GALNT18: variants seen among roughly 807,000 people sequenced by gnomAD.
The protein encoded by GALNT18 is GalNAc-transferase 18.
Under a neutral mutation model 69.5 loss-of-function variants are expected in GALNT18, and 44 were observed. The ratio of observed to expected loss-of-function variants is 0.63; its 90% CI spans 0.50 to 0.81. The LOEUF (loss-of-function observed/expected upper bound fraction) is 0.81, where lower values mean the gene tolerates loss of function less well. GALNT18 is among the 40% of genes least tolerant of loss of function. GALNT18 has a pLI of 0.00. For synonymous variants in GALNT18, 364 were observed against 318.2 expected, an observed-to-expected ratio of 1.14 and a Z score of -1.53; for missense variants, 715 against 810.0, an observed-to-expected ratio of 0.88 and a Z score of 1.42.
chr11:11,342,663 T>C (rs58331904), intron 6 of GALNT18, among the ~76,000 whole-genome samples: 12,239 of 152,252 alleles, frequency 0.08, 1,434 homozygotes, highest in African/African-American at 0.26. Flanking sequence ...AACATCCTCA[T>C]TGAGCGTCTC....
rs573990611 is a variant in GALNT18 at position 11,580,027 on chromosome 11, G to A, written c.235+41332C>T. On this transcript the variant is annotated intron_variant, in intron 1 of 10. Transcript: ENST00000227756. ...AAGGCCAGGTGGAGGGAGTCTGGACGGTGGAAAGTTCTGTATTATTCAACT... is the reference window on the plus strand; with the variant it reads ...AAGGCCAGGTGGAGGGAGTCTGGACAGTGGAAAGTTCTGTATTATTCAACT... 6.6e-5 allele frequency among the ~76,000 whole-genome samples: 10 copies of A among 152,284 alleles called. No homozygotes were observed. The East Asian group carries it at 1.5e-3, about 24-fold the overall frequency.
intron 6 of GALNT18, chr11:11,353,489 A>C: frequency 5.8e-6 from 2 of 346,322 alleles, no homozygotes; most frequent in South Asian, 5.6e-5. Flanking sequence ...GCTGCTATTC[A>C]AAGCACATCT....
In GALNT18 at chr11:11,583,759, A is replaced by C. The variant is rs1859149625; in HGVS notation, c.235+37600T>G. ...TTCAGCTCCTTTCAGAAAAGCAAAA[A>C]TCAAACCAGACTTATAGCACTATCG... is the stretch of plus-strand genomic sequence containing the variant. On this transcript the variant is annotated intron_variant, in intron 1 of 10. Coordinates refer to ENST00000227756, the MANE Select transcript of GALNT18 (RefSeq NM_198516.3). The surrounding 1 kb of genome is among the most constrained non-coding windows in gnomAD (Gnocchi z 4.7). Among the ~76,000 whole-genome samples, 2 of 152,186 alleles carry C rather than the reference A, an allele frequency of 1.3e-5. 1 individual carries two copies. The highest frequency in any genetic ancestry group is 2.9e-5 in the Non-Finnish European group (2 of 68,024).
intron 1 of GALNT18, among the ~76,000 whole-genome samples, chr11:11,572,129 G>A (rs1858806456): frequency 6.6e-6 from 1 of 152,256 alleles, no homozygotes; most frequent in South Asian, 2.1e-4. Flanking sequence ...GTGCCGCAGG[G>A]CGTGGGCATC....
At chr11:11,325,236 TAAGTG>T (rs1283323885) in intron 9 of GALNT18, among the ~76,000 whole-genome samples, 2 of 152,256 alleles carry the variant, frequency 1.3e-5, no homozygotes, top group African/African-American at 2.4e-5. Context: ...GCCATTATTC[TAAGTG>T]AAGTAATCCA....
At position 11,349,791 on chromosome 11, in the gene GALNT18, T is replaced by C. The variant is rs149909691; in HGVS notation, c.1093-8787A>G. 4.5e-3 allele frequency among the ~76,000 whole-genome samples: 681 copies of C among 152,368 alleles called. 3 individuals are homozygous for C. The highest frequency in any genetic ancestry group is 0.016 in the African/African-American group (660 of 41,580). ...ATTTAGTTATTTTAATGTATTTTAGTGTAAGAGAACATTTAAAAAATCTGA... is the reference window on the plus strand; with the variant it reads ...ATTTAGTTATTTTAATGTATTTTAGCGTAAGAGAACATTTAAAAAATCTGA... On this transcript the variant is annotated intron_variant, in intron 6 of 10. Coordinates refer to ENST00000227756, the MANE Select transcript of GALNT18 (RefSeq NM_198516.3).
rs1850531479 is a variant in GALNT18, at chr11:11,356,464, G to A, written c.1093-15460C>T. Reference sequence around the variant, plus strand: ...ACTCTGGGGAGCTTTAACATACATTGTGAGCTTCCAGGTTTCTTTGGCTTT... The same window carrying A: ...ACTCTGGGGAGCTTTAACATACATTATGAGCTTCCAGGTTTCTTTGGCTTT... On this transcript the variant is annotated intron_variant, in intron 6 of 10. Coordinates refer to ENST00000227756, the MANE Select transcript of GALNT18 (RefSeq NM_198516.3). This position sits in a 1 kb window ranked among gnomAD's most constrained non-coding sequence, Gnocchi z 4.4. 6.6e-6 allele frequency among the ~76,000 whole-genome samples: 1 copy of A among 152,226 alleles called. No individual in the cohort carries two copies.
In GALNT18 at chr11:11,507,519, T is replaced by C. The variant is rs78670276; in HGVS notation, c.236-58583A>G. ...TCCTTTTCCTTCTCCCCTTCCTCTT[T>C]CTTTTCTTCTTCCCCTTCCCTAACT... is the stretch of plus-strand genomic sequence containing the variant. On this transcript the variant is annotated intron_variant, in intron 1 of 10. Coordinates refer to ENST00000227756, the MANE Select transcript of GALNT18 (RefSeq NM_198516.3). Among the ~76,000 whole-genome samples, 297 of 152,314 alleles carry C rather than the reference T, an allele frequency of 1.9e-3. 2 individuals are homozygous for C. The highest frequency in any genetic ancestry group is 4.5e-3 in the Admixed American group (69 of 15,306).
chr11:11,486,051 A>G (rs1856637914), intron 1 of GALNT18, among the ~76,000 whole-genome samples: 1 of 152,194 alleles, frequency 6.6e-6, no homozygotes, highest in Non-Finnish European at 1.5e-5. Context: ...CAGGAGGCAG[A>G]GGCCACCTTG....
intron 7 of GALNT18, among the ~76,000 whole-genome samples, chr11:11,334,318 G>A (rs1242890207): frequency 1.2e-4 from 19 of 152,148 alleles, no homozygotes; most frequent in Non-Finnish European, 2.1e-4. Flanking sequence ...CAAGTCAGGC[G>A]GATCACAAGG....
intron 10 of GALNT18, among the ~76,000 whole-genome samples, chr11:11,292,190 C>G (rs1395775476): frequency 1.3e-5 from 2 of 152,136 alleles, no homozygotes; most frequent in African/African-American, 2.4e-5. Flanking sequence ...CCCATGGGCT[C>G]CCTCACTTCC....
rs1853792175 is a variant in GALNT18, at chr11:11,377,362, G to T, written c.797C>A (p.Thr266Asn). ...FNVGWAEPVL[T>N]RIKENRKRII... ...CCGCTTCCGGTTCTCCTTGATGCGG[G>T]TGAGTACAGGTTCAGCCCTGGGCAG... The change falls in exon 5 of 11, where the codon ACC (threonine) becomes AAC (asparagine). Residue 266 changes from threonine to asparagine, a missense_variant. Coordinates refer to ENST00000227756, the MANE Select transcript of GALNT18 (RefSeq NM_198516.3). This position sits in a 1 kb window ranked among gnomAD's most constrained non-coding sequence, Gnocchi z 4.6. 2.5e-6 allele frequency: 4 copies of T among 1,613,644 alleles called. No homozygotes were observed. The highest frequency in any genetic ancestry group is 3.4e-6 in the Non-Finnish European group (4 of 1,179,986).
rs1457353513 is a variant in GALNT18 at position 11,356,475 on chromosome 11, G to C, written c.1093-15471C>G. Among the ~76,000 whole-genome samples, 2 of 152,160 alleles carry C rather than the reference G, an allele frequency of 1.3e-5. No individual in the cohort carries two copies. Among genetic ancestry groups the C allele is most frequent in the Non-Finnish European group, 2.9e-5 (2 of 68,038 alleles). The stretch of plus-strand genomic sequence containing the variant: ...CTTTAACATACATTGTGAGCTTCCA[G>C]GTTTCTTTGGCTTTTGTTTTTGCTT... On this transcript the variant is annotated intron_variant, in intron 6 of 10. Coordinates refer to ENST00000227756, the MANE Select transcript of GALNT18 (RefSeq NM_198516.3). This position sits in a 1 kb window ranked among gnomAD's most constrained non-coding sequence, Gnocchi z 4.4.
At chr11:11,397,880 C>T (rs561658997) in intron 3 of GALNT18, among the ~76,000 whole-genome samples, 6 of 152,326 alleles carry the variant, frequency 3.9e-5, no homozygotes, top group Admixed American at 1.3e-4. Flanking sequence ...CAAGAAGGGG[C>T]CGCTGGCTGG....
chr11:11,515,967 C>T (rs1266780838), intron 1 of GALNT18, among the ~76,000 whole-genome samples: 1 of 152,128 alleles, frequency 6.6e-6, no homozygotes, highest in East Asian at 1.9e-4. Context: ...CTGGGCGGGC[C>T]CAGTCACCTG....
intron 10 of GALNT18, among the ~76,000 whole-genome samples, chr11:11,289,508 C>T (rs1046971149): frequency 3.3e-5 from 5 of 152,116 alleles, no homozygotes; most frequent in African/African-American, 9.7e-5. Flanking sequence ...AAGCCATGCC[C>T]TGGGATAAGG....
chr11:11,474,729 C>T (rs1856350729), intron 1 of GALNT18, among the ~76,000 whole-genome samples: 1 of 152,208 alleles, frequency 6.6e-6, no homozygotes, highest in African/African-American at 2.4e-5. Context: ...GGATTTATTC[C>T]TCACTGTATC....
intron 1 of GALNT18, among the ~76,000 whole-genome samples, chr11:11,456,588 CT>C (rs1855929296): frequency 6.6e-6 from 1 of 152,226 alleles, no homozygotes; most frequent in African/African-American, 2.4e-5. Flanking sequence ...CCCCAAGATC[CT>C]GCTCTAGGCT....
intron 1 of GALNT18, among the ~76,000 whole-genome samples, chr11:11,597,410 T>C (rs1470427374): frequency 6.6e-6 from 1 of 152,194 alleles, no homozygotes; most frequent in Admixed American, 6.5e-5. Flanking sequence ...GTAAAGCCAT[T>C]TGGACCTGGA....
Sources: allele counts gnomAD v4.1 joint callset (sites outside exome capture counted in the v4.1 genomes callset), GRCh38; gene constraint gnomAD v4.1.1; non-coding constraint Gnocchi (gnomAD v3.1); transcripts MANE v1.5; gene names NCBI Gene and HGNC (gene_info 2026-07-23, HGNC 2026-07-21).